CFAP20DC: variants seen among roughly 807,000 people sequenced by gnomAD.
CFAP20DC encodes CFAP20 domain containing.
In CFAP20DC, 84 loss-of-function variants were observed where a neutral mutation model predicts 101.7. That is an observed-to-expected ratio of 0.83 (90% confidence interval 0.69 to 0.99). The LOEUF is 0.99. Among genes scored for constraint, CFAP20DC ranks in the 50% least tolerant of loss-of-function variants. The pLI is 0.00. For missense variants in CFAP20DC, 1,007 were observed against 970.3 expected (o/e 1.04, Z -0.50); for synonymous variants, 359 against 351.2 (o/e 1.02, Z -0.25).
intron 15 of CFAP20DC, among the ~76,000 whole-genome samples, chr3:58,800,732 T>G (rs1342340148): frequency 6.6e-6 from 1 of 152,090 alleles, no homozygotes; most frequent in Non-Finnish European, 1.5e-5. Flanking sequence ...GGTACATGCA[T>G]GAAAATCAGA....
In CFAP20DC at chr3:59,007,674, C is replaced by T. The variant is rs2093469927; in HGVS notation, c.278+31883G>A. Among the ~76,000 whole-genome samples, 1 of 152,186 alleles carries T rather than the reference C, an allele frequency of 6.6e-6. No individual in the cohort carries two copies. The highest frequency in any genetic ancestry group is 2.1e-4 in the South Asian group (1 of 4,830). On this transcript the variant is annotated intron_variant, in intron 4 of 16. Coordinates refer to ENST00000482387, the MANE Select transcript of CFAP20DC (RefSeq NM_001394063.1). The surrounding 1 kb of genome is among the most constrained non-coding windows in gnomAD (Gnocchi z 4.4). ...GTATCATGGCTGGGAGACCTGACGACAGATCACATCACAGGACTCTTTGCA... is the reference window on the plus strand; with the variant it reads ...GTATCATGGCTGGGAGACCTGACGATAGATCACATCACAGGACTCTTTGCA...
intron 15 of CFAP20DC, among the ~76,000 whole-genome samples, chr3:58,757,750 C>G (rs1037974064): frequency 3.3e-5 from 5 of 151,860 alleles, no homozygotes; most frequent in African/African-American, 9.7e-5. Flanking sequence ...CTAATTTTAC[C>G]TCTTTAAAAT....
intron 4 of CFAP20DC, among the ~76,000 whole-genome samples, chr3:59,013,651 C>T (rs1391766608): frequency 6.6e-6 from 1 of 152,148 alleles, no homozygotes; most frequent in Non-Finnish European, 1.5e-5. Flanking sequence ...ATTCAATATT[C>T]TAGATGCTTA....
Position 58,882,246 on chromosome 3 carries a change from G to C in CFAP20DC, c.715+2299C>G, listed in dbSNP as rs962146200. ...TATATATTAATATCCTCTTTTATGA[G>C]TTGGGTTCAAATATGGCCCATGAAA... On this transcript the variant is annotated intron_variant, in intron 7 of 16. Transcript: ENST00000482387. This position sits in a 1 kb window ranked among gnomAD's most constrained non-coding sequence, Gnocchi z 4.2. Among the ~76,000 whole-genome samples, 11 of 152,034 alleles carry C rather than the reference G, an allele frequency of 7.2e-5. 1 individual carries two copies. Among genetic ancestry groups the C allele is most frequent in the Non-Finnish European group, 1.5e-5 (1 of 67,966 alleles).
At chr3:58,961,422 CG>C (rs2091125478) in intron 4 of CFAP20DC, among the ~76,000 whole-genome samples, 1 of 152,118 alleles carries the variant, frequency 6.6e-6, no homozygotes, top group African/African-American at 2.4e-5. Context: ...GATGTGGTGG[CG>C]GGTGTCTATA....
At chr3:59,044,502 G>GT (rs1045217964) in intron 3 of CFAP20DC, among the ~76,000 whole-genome samples, 28 of 151,620 alleles carry the variant, frequency 1.8e-4, no homozygotes, top group Non-Finnish European at 3.4e-4. Flanking sequence ...AGATTTTTCT[G>GT]TTTTTTTACA....
At chr3:58,793,516 G>A (rs1233456140) in intron 15 of CFAP20DC, among the ~76,000 whole-genome samples, 1 of 152,024 alleles carries the variant, frequency 6.6e-6, no homozygotes, top group Non-Finnish European at 1.5e-5. Context: ...GTTTCAATAG[G>A]AGTGTTGTTG....
At chr3:58,885,694 G>A (rs903662201) in intron 6 of CFAP20DC, among the ~76,000 whole-genome samples, 5 of 150,934 alleles carry the variant, frequency 3.3e-5, no homozygotes, top group East Asian at 1.9e-4. Context: ...GCTTCCACAC[G>A]AGTGAGAACA....
At chr3:58,872,626 T>G (rs1175815363) in intron 7 of CFAP20DC, among the ~76,000 whole-genome samples, 1 of 152,176 alleles carries the variant, frequency 6.6e-6, no homozygotes, top group Non-Finnish European at 1.5e-5. Flanking sequence ...CATGTCATTT[T>G]TCTTGAAATT....
intron 3 of CFAP20DC, among the ~76,000 whole-genome samples, chr3:58,733,768 T>C (rs1381984534): frequency 6.6e-6 from 1 of 152,276 alleles, no homozygotes; most frequent in African/African-American, 2.4e-5. Flanking sequence ...CAGGTGTTAA[T>C]CTATAATCAG....
In CFAP20DC at chr3:58,870,176, G is replaced by T. The variant is rs13324082; in HGVS notation, c.849C>A (p.Ser283Arg). 1,326 of 1,608,184 alleles carry T rather than the reference G, an allele frequency of 8.2e-4. 11 individuals carry two copies. The African/African-American group carries it at 0.016, about 20-fold the overall frequency. The change falls in exon 8 of 17, where the codon AGC (serine) becomes AGA (arginine). Residue 283 changes from serine to arginine, a missense_variant. Physicochemically the swap from Ser to Arg is moderately radical, Grantham distance 110. Transcript: ENST00000482387. ...GCTCTCCAAACCTTGCTCCTACCTCGCTGGATATCTTCATGTTATTCCTTC... is the reference window on the plus strand; with the variant it reads ...GCTCTCCAAACCTTGCTCCTACCTCTCTGGATATCTTCATGTTATTCCTTC... ...SGRRNNMKIS[S>R]ETVRSVGSKN...
chr3:58,807,381 C>A (rs369715822), intron 14 of CFAP20DC, among the ~76,000 whole-genome samples: 3 of 152,158 alleles, frequency 2.0e-5, no homozygotes, highest in Admixed American at 6.5e-5. Flanking sequence ...TCCAGAGGAA[C>A]GATCAGACAG....
intron 12 of CFAP20DC, among the ~76,000 whole-genome samples, chr3:58,853,853 C>G (rs1465876957): frequency 3.3e-5 from 5 of 151,872 alleles, no homozygotes; most frequent in Non-Finnish European, 7.4e-5. Context: ...TAAGAGCTAT[C>G]TATGACAAAC....
intron 15 of CFAP20DC, among the ~76,000 whole-genome samples, chr3:58,803,228 C>G: frequency 6.6e-6 from 1 of 152,154 alleles, no homozygotes; most frequent in East Asian, 1.9e-4. Context: ...CACACCACCC[C>G]GTCTCTGCCA....
At chr3:58,884,271 G>A (rs548449734) in intron 7 of CFAP20DC, among the ~76,000 whole-genome samples, 8 of 152,210 alleles carry the variant, frequency 5.3e-5, no homozygotes, top group South Asian at 2.1e-4. Context: ...ACTGTTTCCC[G>A]TAATACCATA....
intron 14 of CFAP20DC, among the ~76,000 whole-genome samples, chr3:58,815,628 C>T (rs1445758889): frequency 2.6e-5 from 4 of 151,462 alleles, no homozygotes; most frequent in Non-Finnish European, 5.9e-5. Flanking sequence ...GGGCTAATAT[C>T]CAGAATCTAC....
intron 6 of CFAP20DC, among the ~76,000 whole-genome samples, chr3:58,891,280 G>A (rs1425333031): frequency 2.6e-5 from 4 of 151,542 alleles, no homozygotes; most frequent in South Asian, 4.2e-4. Flanking sequence ...CAGGCGTGGC[G>A]GCGCGTGCCT....
At chr3:58,798,352 G>A (rs2073413694) in intron 15 of CFAP20DC, among the ~76,000 whole-genome samples, 1 of 152,186 alleles carries the variant, frequency 6.6e-6, no homozygotes, top group African/African-American at 2.4e-5. Flanking sequence ...GTGGCAGACA[G>A]AACTACAGAT....
chr3:58,857,528 G>T (rs2078933822), intron 12 of CFAP20DC, among the ~76,000 whole-genome samples: 1 of 152,120 alleles, frequency 6.6e-6, no homozygotes, highest in African/African-American at 2.4e-5. Context: ...GCATTCTCCT[G>T]GTTGCACTGC....
Sources: gnomAD v4.1 joint callset for allele counts (sites outside exome capture counted in the v4.1 genomes callset) on GRCh38, gnomAD v4.1.1 for gene constraint, Gnocchi (gnomAD v3.1) non-coding constraint, MANE v1.5 for transcripts, NCBI Gene and HGNC (gene_info 2026-07-23, HGNC 2026-07-21) for gene names.